Variants in TMEM100 observed in about 807,000 individuals in gnomAD.
TMEM100 encodes the protein transmembrane protein 100.
For missense variants in TMEM100, 137 were observed against 168.2 expected, an observed-to-expected ratio of 0.81 and a Z score of 1.02; for synonymous variants, 61 against 67.1, an observed-to-expected ratio of 0.91 and a Z score of 0.44.
At chr17:55,727,618 G>A (rs1909103986), upstream of TMEM100, among the ~76,000 whole-genome samples, 1 of 152,144 alleles carries the variant, frequency 6.6e-6, no homozygotes, top group African/African-American at 2.4e-5. Context: ...CATAAACATT[G>A]TGTGGCACCC....
rs1454183672 is a variant in TMEM100, at chr17:55,720,447, A to T, written c.*219T>A. Reference sequence around the variant, plus strand: ...AGTGTTTCATGTAAATAGAAAGCTGATTTTTCAGTCTCAGAAGTAGCCCTT... The same window carrying T: ...AGTGTTTCATGTAAATAGAAAGCTGTTTTTTCAGTCTCAGAAGTAGCCCTT... On this transcript the variant is annotated 3_prime_UTR_variant, in exon 2 of 2. Transcript: ENST00000424486. The T allele has an allele frequency of 5.1e-6, 3 of 586,958 alleles. No individual in the cohort carries two copies. Among genetic ancestry groups the T allele is most frequent in the Non-Finnish European group, 8.7e-6 (3 of 346,622 alleles). The allele number at this position is 586,958 out of a possible 1,614,324, so 36.4% of individuals were successfully genotyped here.
In TMEM100 at chr17:55,719,828, A is replaced by G. The variant is rs1468401319; in HGVS notation, c.*838T>C. On this transcript the variant is annotated 3_prime_UTR_variant, in exon 2 of 2. Transcript: ENST00000424486. ...AACCTGTCCATTTGAGAGAAATACAATTGAGAACTTGCAAATGAGACAAGG... is the reference window on the plus strand; with the variant it reads ...AACCTGTCCATTTGAGAGAAATACAGTTGAGAACTTGCAAATGAGACAAGG... 6.6e-6 allele frequency: 1 copy of G among 152,662 alleles called. No individual in the cohort carries two copies. Among genetic ancestry groups the G allele is most frequent in the African/African-American group, 2.4e-5 (1 of 41,464 alleles). 9.5% of individuals were successfully genotyped at this position (152,662 alleles called of 1,614,324 possible).
Position 55,731,670 on chromosome 17 carries a change from C to A in TMEM100, c.-359+1G>T, listed in dbSNP as rs1166105674. 2 of 152,200 alleles carry A rather than the reference C, an allele frequency of 1.3e-5. No homozygotes were observed. Among genetic ancestry groups the A allele is most frequent in the African/African-American group, 4.8e-5 (2 of 41,446 alleles). The allele number at this position is 152,200 out of a possible 1,614,324, so 9.4% of individuals were successfully genotyped here. A position where few individuals can be genotyped will look rare whatever the true frequency, so the allele number is the denominator to read the frequency against. ...CAACATCTGTCAGCAAAGCCACTGACCTTTTACTGTGGATAGTCATCTATT... is the reference window on the plus strand; with the variant it reads ...CAACATCTGTCAGCAAAGCCACTGAACTTTTACTGTGGATAGTCATCTATT... On this transcript the variant is annotated splice_donor_variant, in intron 1 of 3. Coordinates refer to the TMEM100 transcript ENST00000575734. LOFTEE classifies it low-confidence loss of function (5UTR_SPLICE).
At chr17:55,723,435 A>G (rs188244194), upstream of TMEM100, among the ~76,000 whole-genome samples, 1 of 152,342 alleles carries the variant, frequency 6.6e-6, no homozygotes, top group Non-Finnish European at 1.5e-5. Flanking sequence ...AGCCAGTTAT[A>G]TTGATTTAAA....
intron 1 of TMEM100, among the ~76,000 whole-genome samples, chr17:55,728,778 C>A (rs1044064186): frequency 2.0e-5 from 3 of 152,102 alleles, no homozygotes; most frequent in African/African-American, 7.2e-5. Context: ...AAGATGAAAT[C>A]AATTCAGGCC....
upstream of TMEM100, among the ~76,000 whole-genome samples, chr17:55,725,778 A>G (rs1188116649): frequency 6.6e-6 from 1 of 150,622 alleles, no homozygotes; most frequent in Non-Finnish European, 1.5e-5. Flanking sequence ...GAGAAAGGGC[A>G]TCAAGTTTGA....
At chr17:55,725,376 G>T (rs1368562923), upstream of TMEM100, among the ~76,000 whole-genome samples, 1 of 152,086 alleles carries the variant, frequency 6.6e-6, no homozygotes, top group East Asian at 1.9e-4. Flanking sequence ...TTTAAGTTTG[G>T]AGAACTTTTC....
At chr17:55,727,507 T>C (rs1909101956), upstream of TMEM100, among the ~76,000 whole-genome samples, 1 of 152,164 alleles carries the variant, frequency 6.6e-6, no homozygotes. Flanking sequence ...CACTCCTCCC[T>C]ATACCTGATA....
chr17:55,731,828 T>C (rs1305860683), exon 1 of TMEM100: 1 of 152,198 alleles, frequency 6.6e-6, no homozygotes, highest in Non-Finnish European at 1.5e-5. Flanking sequence ...CCAAAGCCAA[T>C]GCAGTAAGGA....
At chr17:55,724,764 G>A (rs1267349840), upstream of TMEM100, among the ~76,000 whole-genome samples, 1 of 152,192 alleles carries the variant, frequency 6.6e-6, no homozygotes, top group Non-Finnish European at 1.5e-5. Flanking sequence ...AACATTGAAC[G>A]TCTAGAGAGA....
chr17:55,729,603 G>T (rs1282461800), intron 1 of TMEM100, among the ~76,000 whole-genome samples: 1 of 152,002 alleles, frequency 6.6e-6, no homozygotes, highest in Non-Finnish European at 1.5e-5. Context: ...GTAAAATTAT[G>T]AATAATTTTA....
chr17:55,723,616 A>G (rs1188142876), upstream of TMEM100, among the ~76,000 whole-genome samples: 1 of 152,228 alleles, frequency 6.6e-6, no homozygotes, highest in East Asian at 1.9e-4. Flanking sequence ...AAACAGGCTC[A>G]GAGAGGTTAA....
chr17:55,721,333 G>A (rs757362112), intron 1 of TMEM100, 198 bp from the exon 2 acceptor site: 2 of 408,184 alleles, frequency 4.9e-6, no homozygotes, highest in Non-Finnish European at 8.7e-6. Context: ...ATGAAGGGAA[G>A]ACAGAAAAAG....
Position 55,720,674 on chromosome 17 carries a change from A to T in TMEM100, c.397T>A (p.Phe133Ile). Residue 133 changes from phenylalanine (F) to isoleucine (I), a missense_variant, in exon 2 of 2, where the codon TTT becomes ATT. Transcript: ENST00000424486. Reference protein sequence around the residue: ...TALVANQRSLFA With the variant: ...TALVANQRSLIA ...TTTGGTCGTATTCAGTCTCAAGCAA[A>T]CAAGCTTCTCTGATTTGCCACGAGA... 1 of 1,604,408 alleles carries T rather than the reference A, an allele frequency of 6.2e-7. No individual in the cohort carries two copies. Among genetic ancestry groups the T allele is most frequent in the Non-Finnish European group, 8.5e-7 (1 of 1,175,976 alleles).
chr17:55,723,026 G>A (rs1445796941), upstream of TMEM100: 2 of 152,022 alleles, frequency 1.3e-5, no homozygotes, highest in Non-Finnish European at 2.9e-5. Context: ...CATTTCTACA[G>A]ATTCCCCAGA....
At position 55,722,634 on chromosome 17, in the gene TMEM100, T is replaced by G. The variant is rs1282823417; in HGVS notation, c.-81A>C. ...TTACACTCACCTCGGAGAGAGGCAA[T>G]CCATTACCAGAGTAACCACTTGACT... On this transcript the variant is annotated 5_prime_UTR_variant, in exon 1 of 2. Coordinates refer to ENST00000424486, the MANE Select transcript of TMEM100 (RefSeq NM_018286.3). 6.6e-6 allele frequency: 1 copy of G among 152,172 alleles called. No homozygotes were observed. The highest frequency in any genetic ancestry group is 1.9e-4 in the East Asian group (1 of 5,200). 9.4% of individuals were successfully genotyped at this position (152,172 alleles called of 1,614,324 possible). A position where few individuals can be genotyped will look rare whatever the true frequency, so the allele number is the denominator to read the frequency against.
At chr17:55,724,543 G>A (rs1042123202), upstream of TMEM100, among the ~76,000 whole-genome samples, 40 of 152,290 alleles carry the variant, frequency 2.6e-4, no homozygotes, top group African/African-American at 9.4e-4. Context: ...ATGGTAAGAT[G>A]GGGGCCGCTG....
upstream of TMEM100, among the ~76,000 whole-genome samples, chr17:55,727,179 A>C (rs527835143): frequency 2.6e-5 from 4 of 152,334 alleles, no homozygotes; most frequent in African/African-American, 7.2e-5. Flanking sequence ...AGATGAGAAG[A>C]ATTGATTTTC....
At position 55,720,175 on chromosome 17, in the gene TMEM100, A is replaced by T. The variant is rs1275420565; in HGVS notation, c.*491T>A. 1 of 153,472 alleles carries T rather than the reference A, an allele frequency of 6.5e-6. No homozygotes were observed. The highest frequency in any genetic ancestry group is 1.5e-5 in the Non-Finnish European group (1 of 68,914). 9.5% of individuals were successfully genotyped at this position (153,472 alleles called of 1,614,324 possible). A position where few individuals can be genotyped will look rare whatever the true frequency, so the allele number is the denominator to read the frequency against. On this transcript the variant is annotated 3_prime_UTR_variant, in exon 2 of 2. Transcript: ENST00000424486. ...ATGAGTTATTAAAAGTATAAAATGA[A>T]AACAGACGCCAGTGAATCAATGTAT...
Sources: allele counts gnomAD v4.1 joint callset (sites outside exome capture counted in the v4.1 genomes callset), GRCh38; gene constraint gnomAD v4.1.1; transcripts MANE v1.5; gene names NCBI Gene and HGNC (gene_info 2026-07-23, HGNC 2026-07-21).